Variants in CHD7 observed in about 807,000 individuals in gnomAD.
CHD7 encodes chromodomain helicase DNA binding protein 7, also known as ATP-dependent chromatin remodeler CHD7.
Under a neutral mutation model 307.3 loss-of-function variants are expected in CHD7, and 24 were observed. The observed-to-expected ratio is 0.08, with a 90% CI of 0.06 to 0.11. CHD7 has a LOEUF of 0.11. Ranked by LOEUF, CHD7 falls within the 10% of genes least tolerant of loss-of-function variation. CHD7 has a pLI of 1.00. For missense variants in CHD7, 3,106 were observed against 3,727.1 expected, an observed-to-expected ratio of 0.83 and a Z score of 4.34; for synonymous variants, 1,363 against 1,349.9, an observed-to-expected ratio of 1.01 and a Z score of -0.21.
At chr8:60,830,151 A>G (rs1198962514) in intron 14 of CHD7, among the ~76,000 whole-genome samples, 171 bp from the exon 15 acceptor site, 4 of 152,228 alleles carry the variant, frequency 2.6e-5, no homozygotes, top group Admixed American at 2.0e-4. Flanking sequence ...TGCAACCTTC[A>G]TGCACTGCTC....
In CHD7 at chr8:60,865,062, T is replaced by C. The variant is rs761604029; in HGVS notation, c.8123T>C (p.Val2708Ala). The C allele has an allele frequency of 1.2e-6, 2 of 1,609,320 alleles. No homozygotes were observed. The highest frequency in any genetic ancestry group is 1.7e-6 in the Non-Finnish European group (2 of 1,177,786). Residue 2708 changes from valine (V) to alanine (A), a missense_variant, in exon 38 of 38, where the codon GTA becomes GCA. Coordinates refer to ENST00000423902, the MANE Select transcript of CHD7 (RefSeq NM_017780.4). The surrounding 1 kb of genome is among the most constrained non-coding windows in gnomAD (Gnocchi z 4.3). ...TTTGACCGCCTTCTCACTGGGCCTG[T>C]AGTGCGGGGAGAGGGAGCGAGCAGA... is the stretch of plus-strand genomic sequence containing the variant. Reference protein sequence around the residue: ...SMFDRLLTGPVVRGEGASRRG... With the variant: ...SMFDRLLTGPAVRGEGASRRG...
chr8:60,749,356 G>A lies in CHD7; in HGVS notation c.1665+6259G>A, dbSNP rs1195731901. Among the ~76,000 whole-genome samples the A allele has an allele frequency of 3.4e-5, 3 of 89,256 alleles. No homozygotes were observed. In the Admixed American group the frequency reaches 5.7e-4, roughly 17 times the overall value. 58.6% of individuals were successfully genotyped at this position (89,256 alleles called of 152,430 possible). ...ACTGCACTCCAGCCTGGTCAACAGAGCAAGACTCTGTATCAAAAAAAAAAA... is the reference window on the plus strand; with the variant it reads ...ACTGCACTCCAGCCTGGTCAACAGAACAAGACTCTGTATCAAAAAAAAAAA... On this transcript the variant is annotated intron_variant, in intron 2 of 37. Coordinates refer to ENST00000423902, the MANE Select transcript of CHD7 (RefSeq NM_017780.4).
intron 1 of CHD7, among the ~76,000 whole-genome samples, chr8:60,717,496 T>C (rs980586294): frequency 6.6e-6 from 1 of 152,220 alleles, no homozygotes; most frequent in African/African-American, 2.4e-5. Flanking sequence ...CTAGTTTCTT[T>C]ACTGTTACTT....
intron 3 of CHD7, among the ~76,000 whole-genome samples, chr8:60,788,388 G>A (rs1811602985): frequency 6.6e-6 from 1 of 152,074 alleles, no homozygotes; most frequent in Admixed American, 6.6e-5. Flanking sequence ...CGGTCCACCT[G>A]CCTTGGCTTC....
At chr8:60,855,101 T>A (rs1805639827) in intron 32 of CHD7, 1 of 152,204 alleles carries the variant, frequency 6.6e-6, no homozygotes, top group Admixed American at 6.5e-5. Flanking sequence ...GAAATAATCA[T>A]CCTAATCACC....
At chr8:60,682,427 T>C (rs1805676980) in intron 1 of CHD7, among the ~76,000 whole-genome samples, 1 of 152,182 alleles carries the variant, frequency 6.6e-6, no homozygotes. Context: ...AAATATTTTG[T>C]TATGAGAAAA....
chr8:60,770,498 A>G (rs1449207046), intron 2 of CHD7, among the ~76,000 whole-genome samples: 3 of 152,160 alleles, frequency 2.0e-5, no homozygotes, highest in Non-Finnish European at 4.4e-5. Context: ...TTTCATGTGT[A>G]GTTCCAGCTG....
At chr8:60,834,607 T>C (rs1804663747) in intron 15 of CHD7, among the ~76,000 whole-genome samples, 1 of 152,232 alleles carries the variant, frequency 6.6e-6, no homozygotes, top group African/African-American at 2.4e-5. Context: ...AGAAACATTC[T>C]GAATATTAGC....
intron 1 of CHD7, among the ~76,000 whole-genome samples, chr8:60,706,087 G>C (rs1008086573): frequency 2.8e-4 from 43 of 151,734 alleles, no homozygotes; most frequent in African/African-American, 1.0e-3. Flanking sequence ...TTTTTTTAAT[G>C]GTCCTGAGCT....
Position 60,862,623 on chromosome 8 carries a change from C to G in CHD7, c.8047C>G (p.Pro2683Ala). 6.4e-7 allele frequency: 1 copy of G among 1,569,082 alleles called. No homozygotes were observed. Among genetic ancestry groups the G allele is most frequent in the Non-Finnish European group, 8.7e-7 (1 of 1,155,814 alleles). ...AGAAAATCCTGAATTTGCAGTTGCT[C>G]CAGACTGGACTGATATAGTTAAGCA... ...LEENPEFAVA[P>A]DWTDIVKQSG... The change falls in exon 37 of 38, where the codon CCA becomes GCA. Residue 2683 changes from proline (P) to alanine (A), a missense_variant. By Grantham distance (27) the Pro-to-Ala change is conservative (BLOSUM62 -1). Coordinates refer to ENST00000423902, the MANE Select transcript of CHD7 (RefSeq NM_017780.4).
At chr8:60,806,652 C>G (rs1377098604) in intron 6 of CHD7, among the ~76,000 whole-genome samples, 1 of 152,038 alleles carries the variant, frequency 6.6e-6, no homozygotes, top group Non-Finnish European at 1.5e-5. Context: ...AGATATTGAC[C>G]ACTCCTGCAT....
At chr8:60,761,381 T>C (rs1462309196) in intron 2 of CHD7, among the ~76,000 whole-genome samples, 1 of 149,006 alleles carries the variant, frequency 6.7e-6, no homozygotes, top group African/African-American at 2.4e-5. Context: ...CTGGGAGATA[T>C]ACCTAATGCT....
intron 13 of CHD7, among the ~76,000 whole-genome samples, chr8:60,825,902 A>T (rs1275198767): frequency 6.6e-6 from 1 of 151,858 alleles, no homozygotes; most frequent in African/African-American, 2.4e-5. Context: ...GGTTTGTTAC[A>T]TAGGTATACA....
chr8:60,815,627 G>C (rs1803699564), intron 7 of CHD7, among the ~76,000 whole-genome samples: 1 of 152,194 alleles, frequency 6.6e-6, no homozygotes, highest in African/African-American at 2.4e-5. Context: ...GGAGGGGATG[G>C]GGAGTCTTGA....
intron 4 of CHD7, among the ~76,000 whole-genome samples, 169 bp downstream of exon 4, chr8:60,795,296 G>A (rs1473801236): frequency 6.6e-6 from 1 of 152,100 alleles, no homozygotes; most frequent in Non-Finnish European, 1.5e-5. Context: ...GGGAGCGGGC[G>A]TGGAACAAGA....
At chr8:60,773,259 T>C (rs1437691428) in intron 2 of CHD7, among the ~76,000 whole-genome samples, 1 of 152,232 alleles carries the variant, frequency 6.6e-6, no homozygotes, top group Non-Finnish European at 1.5e-5. Flanking sequence ...GTTTCTTCCC[T>C]GCCCAGAGAA....
intron 2 of CHD7, among the ~76,000 whole-genome samples, chr8:60,744,376 T>A (rs914486408): frequency 5.3e-5 from 8 of 152,038 alleles, no homozygotes. Flanking sequence ...GAGGACAGTT[T>A]GGACCAGAAG....
chr8:60,785,491 A>G (rs891047433), intron 3 of CHD7, among the ~76,000 whole-genome samples: 2 of 152,214 alleles, frequency 1.3e-5, no homozygotes, highest in Admixed American at 1.3e-4. Flanking sequence ...TACTATCATT[A>G]TCATTAATAG....
intron 1 of CHD7, among the ~76,000 whole-genome samples, chr8:60,689,890 G>C (rs1276662516): frequency 6.6e-6 from 1 of 152,192 alleles, no homozygotes; most frequent in Non-Finnish European, 1.5e-5. Context: ...TTCTCTCAGT[G>C]TTTATCCAAG....
Sources: allele counts gnomAD v4.1 joint callset (sites outside exome capture counted in the v4.1 genomes callset), GRCh38; gene constraint gnomAD v4.1.1; non-coding constraint Gnocchi (gnomAD v3.1); transcripts MANE v1.5; gene names NCBI Gene and HGNC (gene_info 2026-07-23, HGNC 2026-07-21).